PAH: variants seen among roughly 807,000 people sequenced by gnomAD.
PAH encodes phenylalanine hydroxylase, also known as phenylalanine-4-hydroxylase.
In PAH, 64 loss-of-function variants were observed where a neutral mutation model predicts 62.0. That is an observed-to-expected ratio of 1.03 (90% confidence interval 0.84 to 1.27). The LOEUF (loss-of-function observed/expected upper bound fraction) is 1.27. Among genes scored for constraint, PAH ranks in the 50% most tolerant of loss-of-function variants. PAH has a pLI of 0.00. For missense variants in PAH, 579 were observed against 542.8 expected, an observed-to-expected ratio of 1.07 and a Z score of -0.66; for synonymous variants, 195 against 196.2, an observed-to-expected ratio of 0.99 and a Z score of 0.05.
At chr12:102,867,464 G>A (rs147688031) in intron 4 of PAH, among the ~76,000 whole-genome samples, 15 of 152,242 alleles carry the variant, frequency 9.9e-5, no homozygotes, top group African/African-American at 3.4e-4. Flanking sequence ...GAGTGTTTGG[G>A]GTGGAAATGG....
intron 3 of PAH, among the ~76,000 whole-genome samples, chr12:102,883,097 T>C (rs1876890242): frequency 6.6e-6 from 1 of 152,066 alleles, no homozygotes; most frequent in South Asian, 2.1e-4. Flanking sequence ...AACATGTGGG[T>C]ATTAGATTTA....
chr12:102,839,534 C>T (rs575740399), intron 12 of PAH, among the ~76,000 whole-genome samples: 31 of 152,294 alleles, frequency 2.0e-4, no homozygotes, highest in South Asian at 1.5e-3. Flanking sequence ...CTACAAGAAG[C>T]GAAATCATTG....
At chr12:102,881,387 G>A (rs2136684194) in intron 3 of PAH, among the ~76,000 whole-genome samples, 1 of 151,952 alleles carries the variant, frequency 6.6e-6, no homozygotes, top group Non-Finnish European at 1.5e-5. Context: ...TTTAATAAAT[G>A]CATACATCAT....
chr12:102,894,788 T>C lies in PAH; in HGVS notation c.299A>G (p.His100Arg), dbSNP rs148393887. ...CTCATGGACAGTGGCACCAATGTCATGCCTCAAGATCTTGATGATGTTTGT... is the reference window on the plus strand; with the variant it reads ...CTCATGGACAGTGGCACCAATGTCACGCCTCAAGATCTTGATGATGTTTGT... ...ALTNIIKILR[H>R]DIGATVHELS... Residue 100 changes from histidine to arginine, a missense_variant, in exon 3 of 13, where the codon CAT becomes CGT. Coordinates refer to ENST00000553106, the MANE Select transcript of PAH (RefSeq NM_000277.3). 921 of 1,614,066 alleles carry C rather than the reference T, an allele frequency of 5.7e-4. 1 individual carries two copies. Among genetic ancestry groups the C allele is most frequent in the Non-Finnish European group, 7.2e-4 (849 of 1,180,010 alleles).
exon 1 of PAH, chr12:102,958,238 G>A (rs776175493): frequency 6.8e-5 from 100 of 1,464,394 alleles, no homozygotes; most frequent in Non-Finnish European, 8.5e-5. Context: ...CTTGGCCGCC[G>A]CTGCGCATGG....
chr12:102,855,060 G>T, intron 6 of PAH, 76 bp downstream of exon 6: 1 of 1,188,030 alleles, frequency 8.4e-7, no homozygotes, highest in Non-Finnish European at 1.3e-6. Flanking sequence ...CCACATACTT[G>T]TCTTCCCCTT....
At position 102,851,594 on chromosome 12, in the gene PAH, C is replaced by G. The variant is rs1592952105; in HGVS notation, c.912+93G>C. On this transcript the variant is annotated intron_variant, in intron 8 of 12. Transcript: ENST00000553106. Reference sequence around the variant, plus strand: ...GAACTGTACCTGGTTTCCGCTCTTGCAGAGGGCATGAGGACCCCTCCCTGG... The same window carrying G: ...GAACTGTACCTGGTTTCCGCTCTTGGAGAGGGCATGAGGACCCCTCCCTGG... 17 of 998,720 alleles carry G rather than the reference C, an allele frequency of 1.7e-5. No homozygotes were observed. In the East Asian group the frequency reaches 4.1e-4, roughly 24 times the overall value. The allele number at this position is 998,720 out of a possible 1,614,324, so 61.9% of individuals were successfully genotyped here.
At chr12:102,881,263 C>T (rs537622987) in intron 3 of PAH, among the ~76,000 whole-genome samples, 5 of 151,290 alleles carry the variant, frequency 3.3e-5, no homozygotes, top group African/African-American at 4.8e-5. Flanking sequence ...CTGCCCACCT[C>T]GGCCTCCCAA....
At chr12:102,854,756 C>A in intron 6 of PAH, 1 of 314,144 alleles carries the variant, frequency 3.2e-6, no homozygotes, top group Non-Finnish European at 6.1e-6. Flanking sequence ...GAAAATAGCA[C>A]ATTTCTTACA....
chr12:102,867,852 T>A (rs1385977890), intron 4 of PAH, among the ~76,000 whole-genome samples: 1 of 141,390 alleles, frequency 7.1e-6, no homozygotes, highest in African/African-American at 2.5e-5. Context: ...TCTCTCTCTA[T>A]GTATATACAT....
intron 2 of PAH, among the ~76,000 whole-genome samples, chr12:102,899,853 C>T (rs1300190215): frequency 2.7e-5 from 1 of 37,570 alleles, no homozygotes; most frequent in African/African-American, 2.2e-4. Context: ...AGCGAGACTC[C>T]GTCTCAAAAA....
At chr12:102,956,542 GCC>G (rs1425320084) in intron 1 of PAH, among the ~76,000 whole-genome samples, 1 of 152,040 alleles carries the variant, frequency 6.6e-6, no homozygotes, top group Admixed American at 6.5e-5. Context: ...TGGTGGCTGC[GCC>G]AAGGCCGCCG....
chr12:102,854,802 C>A lies in PAH; in HGVS notation c.706+334G>T, dbSNP rs996793260. ...CTCCTAACTCATAACACAGCAGGAA[C>A]TACAGGGCAAACAAAACAAAACAAA... On this transcript the variant is annotated intron_variant, in intron 6 of 12. Coordinates refer to ENST00000553106, the MANE Select transcript of PAH (RefSeq NM_000277.3). 4 of 387,720 alleles carry A rather than the reference C, an allele frequency of 1.0e-5. No individual in the cohort carries two copies. In the East Asian group the frequency reaches 1.8e-4, roughly 17 times the overall value. The allele number at this position is 387,720 out of a possible 1,614,324, so 24.0% of individuals were successfully genotyped here.
intron 2 of PAH, among the ~76,000 whole-genome samples, chr12:102,901,887 G>C (rs1877774982): frequency 6.6e-6 from 1 of 151,988 alleles, no homozygotes; most frequent in Non-Finnish European, 1.5e-5. Flanking sequence ...GTGCTGGAGT[G>C]TAACAGTGGG....
At chr12:102,945,559 G>T (rs61943190) in intron 1 of PAH, among the ~76,000 whole-genome samples, 1 of 152,050 alleles carries the variant, frequency 6.6e-6, no homozygotes, top group Non-Finnish European at 1.5e-5. Flanking sequence ...AAACAGAGGG[G>T]TCTCTCACCC....
intron 5 of PAH, among the ~76,000 whole-genome samples, chr12:102,859,692 C>T (rs554322308): frequency 2.0e-4 from 30 of 152,240 alleles, no homozygotes; most frequent in Non-Finnish European, 3.2e-4. Context: ...TAAATGTAAT[C>T]CAGCATATAA....
intron 5 of PAH, among the ~76,000 whole-genome samples, chr12:102,860,010 A>G (rs1592957618): frequency 6.6e-6 from 1 of 152,154 alleles, no homozygotes; most frequent in East Asian, 1.9e-4. Context: ...AATAAACGGT[A>G]TTCAATTAGG....
intron 2 of PAH, 52 bp from the exon 3 acceptor site, chr12:102,894,970 G>C: frequency 1.5e-6 from 2 of 1,328,664 alleles, no homozygotes; most frequent in Non-Finnish European, 2.2e-6. Context: ...ACTAACGCAG[G>C]CCAAAGATGC....
At chr12:102,917,039 C>G in intron 1 of PAH, 32 bp downstream of exon 1, 2 of 1,609,620 alleles carry the variant, frequency 1.2e-6, no homozygotes, top group Non-Finnish European at 1.7e-6. Context: ...CCAAATTCCC[C>G]TAACTGAGCA....
Sources: allele counts gnomAD v4.1 joint callset (sites outside exome capture counted in the v4.1 genomes callset), GRCh38; gene constraint gnomAD v4.1.1; transcripts MANE v1.5; gene names NCBI Gene and HGNC (gene_info 2026-07-23, HGNC 2026-07-21).